The following VTI1A variants were observed in gnomAD, a reference collection of about 807,000 sequenced individuals.
VTI1A encodes vesicle transport through interaction with t-SNAREs 1A, also known as vesicle transport through interaction with t-SNAREs homolog 1A.
In VTI1A, 22 loss-of-function variants were observed where a neutral mutation model predicts 34.9. The observed-to-expected ratio is 0.63, with a 90% CI of 0.45 to 0.90. The LOEUF (loss-of-function observed/expected upper bound fraction) is 0.90. VTI1A is among the 40% of genes least tolerant of loss of function. VTI1A has a pLI of 0.00. For missense variants in VTI1A, 268 were observed against 275.6 expected (o/e 0.97, Z 0.20); for synonymous variants, 87 against 97.3 (o/e 0.89, Z 0.62).
the VTI1A span, among the ~76,000 whole-genome samples, chr10:112,833,985 A>G: frequency 3.9e-5 from 6 of 152,210 alleles, no homozygotes; most frequent in African/African-American, 1.4e-4. Flanking sequence ...TCAGGACCAC[A>G]AGCCAGACTG....
At chr10:112,653,869 A>G (rs1847129101) in intron 5 of VTI1A, among the ~76,000 whole-genome samples, 1 of 152,160 alleles carries the variant, frequency 6.6e-6, no homozygotes, top group Non-Finnish European at 1.5e-5. Flanking sequence ...CCAACTTGTT[A>G]ATACTCTTAG....
intron 7 of VTI1A, among the ~76,000 whole-genome samples, chr10:112,791,576 C>CTA (rs201099497): frequency 0.01 from 1,524 of 152,184 alleles, 24 homozygotes; most frequent in African/African-American, 0.035. Context: ...ACCTTTCTTG[C>CTA]TAAAGGTCCC....
At chr10:112,755,853 G>A (rs1851266436) in intron 7 of VTI1A, among the ~76,000 whole-genome samples, 1 of 152,196 alleles carries the variant, frequency 6.6e-6, no homozygotes, top group Admixed American at 6.5e-5. Flanking sequence ...TAGGAGTGCA[G>A]TCAGCCTGTC....
chr10:112,463,615 A>G (rs1847802482), intron 2 of VTI1A, among the ~76,000 whole-genome samples: 1 of 151,776 alleles, frequency 6.6e-6, no homozygotes. Flanking sequence ...GTGTTATCTG[A>G]TAGCAGGTTG....
At chr10:112,534,032 G>T (rs1426892576) in intron 4 of VTI1A, among the ~76,000 whole-genome samples, 1 of 152,022 alleles carries the variant, frequency 6.6e-6, no homozygotes, top group African/African-American at 2.4e-5. Context: ...TCCTTTTGGG[G>T]AAACACACAT....
chr10:112,548,587 T>A (rs1375108676), intron 5 of VTI1A: 1 of 828,572 alleles, frequency 1.2e-6, no homozygotes, highest in Non-Finnish European at 2.1e-6. Flanking sequence ...AAGACCAGGG[T>A]GGCAGGTATT....
chr10:112,851,825 A>G, the VTI1A span, among the ~76,000 whole-genome samples: 1 of 152,070 alleles, frequency 6.6e-6, no homozygotes, highest in Non-Finnish European at 1.5e-5. Flanking sequence ...ACTTTCCACC[A>G]CACTTCATAT....
intron 7 of VTI1A, among the ~76,000 whole-genome samples, chr10:112,699,928 G>C (rs145515493): frequency 0.07 from 10,585 of 151,752 alleles, 891 homozygotes; most frequent in African/African-American, 0.2. Flanking sequence ...AGACCAGCCT[G>C]GCCAAGATGG....
At chr10:112,674,399 A>C (rs569403230) in intron 7 of VTI1A, among the ~76,000 whole-genome samples, 4 of 152,310 alleles carry the variant, frequency 2.6e-5, no homozygotes, top group Non-Finnish European at 4.4e-5. Flanking sequence ...TTTTGTGTGC[A>C]TAAGTTTATT....
At chr10:112,810,045 T>C (rs1333450695) in intron 7 of VTI1A, among the ~76,000 whole-genome samples, 1 of 151,764 alleles carries the variant, frequency 6.6e-6, no homozygotes, top group Admixed American at 6.6e-5. Context: ...GAAAATAAAG[T>C]CAGTTTATTT....
intron 5 of VTI1A, among the ~76,000 whole-genome samples, chr10:112,615,986 T>C (rs1845500564): frequency 6.6e-6 from 1 of 152,188 alleles, no homozygotes; most frequent in Admixed American, 6.5e-5. Context: ...GCAGACATTT[T>C]CCACCTGCAA....
intron 3 of VTI1A, among the ~76,000 whole-genome samples, chr10:112,484,282 T>G (rs920817655): frequency 1.3e-5 from 2 of 152,244 alleles, no homozygotes; most frequent in Non-Finnish European, 2.9e-5. Flanking sequence ...TAAGCATTGT[T>G]GTTTAATGAT....
chr10:112,796,972 T>TA (rs1453394686), intron 7 of VTI1A, among the ~76,000 whole-genome samples: 9 of 152,250 alleles, frequency 5.9e-5, no homozygotes, highest in East Asian at 3.9e-4. Flanking sequence ...TAGCACAGGG[T>TA]AAAAAATAAG....
chr10:112,531,909 A>G (rs1185832633), intron 4 of VTI1A, among the ~76,000 whole-genome samples: 1 of 152,162 alleles, frequency 6.6e-6, no homozygotes, highest in African/African-American at 2.4e-5. Flanking sequence ...TCTTCTGGGG[A>G]AGAATTATAA....
intron 5 of VTI1A, among the ~76,000 whole-genome samples, chr10:112,570,541 T>A (rs1239374322): frequency 6.6e-6 from 1 of 152,218 alleles, no homozygotes; most frequent in Non-Finnish European, 1.5e-5. Context: ...GACCCATATT[T>A]TGAGATATAA....
At chr10:112,643,986 A>T (rs1350175491) in intron 5 of VTI1A, among the ~76,000 whole-genome samples, 1 of 79,414 alleles carries the variant, frequency 1.3e-5, no homozygotes, top group Non-Finnish European at 2.3e-5. Context: ...AATAGGAGGT[A>T]AAAAAAAAAA....
chr10:112,647,921 C>T lies in VTI1A; in HGVS notation c.428-20297C>T, dbSNP rs368918526. On this transcript the variant is annotated intron_variant, in intron 5 of 7. Coordinates refer to ENST00000393077, the MANE Select transcript of VTI1A (RefSeq NM_145206.4). ...AGTAGCTGGGACTACAAGCACATGC[C>T]ACCGCACCCAGCTAATTTTTCTATT... Among the ~76,000 whole-genome samples the T allele has an allele frequency of 4.6e-3, 705 of 152,256 alleles. 6 individuals are homozygous for T. Among genetic ancestry groups the T allele is most frequent in the African/African-American group, 0.016 (678 of 41,548 alleles).
chr10:112,554,339 C>A (rs886915426), intron 5 of VTI1A, among the ~76,000 whole-genome samples: 3 of 152,088 alleles, frequency 2.0e-5, no homozygotes, highest in African/African-American at 7.2e-5. Flanking sequence ...GGATGGAATC[C>A]TGGAACAGAA....
At chr10:112,525,051 TA>T (rs1468284170) in intron 3 of VTI1A, among the ~76,000 whole-genome samples, 23 of 152,180 alleles carry the variant, frequency 1.5e-4, no homozygotes, top group Admixed American at 1.0e-3. Flanking sequence ...TAGAAATAGC[TA>T]ATTAATAATG....
Sources: allele counts gnomAD v4.1 joint callset (sites outside exome capture counted in the v4.1 genomes callset), GRCh38; gene constraint gnomAD v4.1.1; transcripts MANE v1.5; gene names NCBI Gene and HGNC (gene_info 2026-07-23, HGNC 2026-07-21).